ARK2C: variants seen among roughly 807,000 people sequenced by gnomAD.
ARK2C encodes arkadia (RNF111) C-terminal like ring finger ubiquitin ligase 2C.
the ARK2C span, among the ~76,000 whole-genome samples, chr18:46,372,964 T>C: frequency 1.3e-5 from 2 of 152,184 alleles, no homozygotes; most frequent in Admixed American, 6.5e-5. Flanking sequence ...TCAGCCTCAC[T>C]CAGGGAGGGG....
chr18:46,456,232 G>A, the ARK2C span: 1 of 651,106 alleles, frequency 1.5e-6, no homozygotes, highest in African/African-American at 1.8e-5. Context: ...CCCTGGGAAG[G>A]TGGGGTATGA....
At chr18:46,424,334 A>ACAG in the ARK2C span, among the ~76,000 whole-genome samples, 1 of 152,232 alleles carries the variant, frequency 6.6e-6, no homozygotes, top group Admixed American at 6.5e-5. Context: ...AAGGTCAGAT[A>ACAG]CAGCAGTGAG....
the ARK2C span, among the ~76,000 whole-genome samples, chr18:46,431,353 T>G: frequency 1.3e-4 from 20 of 152,214 alleles, no homozygotes; most frequent in Non-Finnish European, 2.2e-4. Flanking sequence ...AATGTCTGTG[T>G]GCCTTGAGGG....
the ARK2C span, among the ~76,000 whole-genome samples, chr18:46,363,769 T>C: frequency 6.6e-6 from 1 of 152,042 alleles, no homozygotes; most frequent in Non-Finnish European, 1.5e-5. Context: ...GAAACATACT[T>C]TTTAAGGTTG....
At chr18:46,428,141 T>C in the ARK2C span, among the ~76,000 whole-genome samples, 1 of 151,572 alleles carries the variant, frequency 6.6e-6, no homozygotes, top group Non-Finnish European at 1.5e-5. Flanking sequence ...CCGGGCGCAG[T>C]GGCTCACGTC....
the ARK2C span, among the ~76,000 whole-genome samples, chr18:46,453,090 T>C: frequency 1.3e-5 from 2 of 152,196 alleles, no homozygotes; most frequent in Non-Finnish European, 2.9e-5. Context: ...GTGGTGTCAA[T>C]GTCAAAGACT....
the ARK2C span, among the ~76,000 whole-genome samples, chr18:46,339,605 G>T: frequency 6.6e-6 from 1 of 152,164 alleles, no homozygotes; most frequent in Non-Finnish European, 1.5e-5. Context: ...CAGGATTTTG[G>T]AAACCCCATC....
the ARK2C span, among the ~76,000 whole-genome samples, chr18:46,442,875 T>G: frequency 6.6e-6 from 1 of 152,222 alleles, no homozygotes; most frequent in East Asian, 1.9e-4. Context: ...AATTGACCCC[T>G]TTATCATTAT....
At chr18:46,336,381 C>T in the ARK2C span, 1 of 972,116 alleles carries the variant, frequency 1.0e-6, no homozygotes, top group Non-Finnish European at 1.2e-6. Flanking sequence ...TCACCCCCCC[C>T]AACAAAAAAA....
At chr18:46,460,302 C>T in the ARK2C span, 1 of 152,360 alleles carries the variant, frequency 6.6e-6, no homozygotes, top group African/African-American at 2.4e-5. Context: ...TCTGTCAGGC[C>T]CCCTTGTGTT....
chr18:46,410,240 C>T, the ARK2C span, among the ~76,000 whole-genome samples: 1 of 152,224 alleles, frequency 6.6e-6, no homozygotes, highest in Non-Finnish European at 1.5e-5. Context: ...CTCAGCTCTG[C>T]TGCTTCCTCT....
the ARK2C span, among the ~76,000 whole-genome samples, chr18:46,441,625 AT>A: frequency 6.6e-6 from 1 of 152,150 alleles, no homozygotes; most frequent in African/African-American, 2.4e-5. Context: ...GCGGTGGCTC[AT>A]GCCTGTAATC....
the ARK2C span, chr18:46,334,248 G>C: frequency 6.9e-7 from 1 of 1,453,402 alleles, no homozygotes. This position sits in a 1 kb window ranked among gnomAD's most constrained non-coding sequence, Gnocchi z 4.4. Context: ...CGCAGCCGCC[G>C]CCGCCGCCGC....
At chr18:46,448,303 G>C in the ARK2C span, among the ~76,000 whole-genome samples, 1 of 152,034 alleles carries the variant, frequency 6.6e-6, no homozygotes, top group East Asian at 1.9e-4. Flanking sequence ...TTGTGTCCTG[G>C]CTCCCTGGCA....
At chr18:46,344,539 C>G in the ARK2C span, among the ~76,000 whole-genome samples, 117 of 152,328 alleles carry the variant, frequency 7.7e-4, 1 homozygote, top group Non-Finnish European at 1.1e-3. Context: ...ACTCCCACCC[C>G]CAGCGTGGAG....
chr18:46,433,870 A>G, the ARK2C span, among the ~76,000 whole-genome samples: 21 of 152,140 alleles, frequency 1.4e-4, no homozygotes, highest in Non-Finnish European at 2.4e-4. Flanking sequence ...GCGGGAGGAA[A>G]TTTGACTAGG....
the ARK2C span, among the ~76,000 whole-genome samples, chr18:46,372,384 C>T: frequency 2.0e-5 from 3 of 152,222 alleles, no homozygotes; most frequent in African/African-American, 4.8e-5. Context: ...GAGCAGTAAA[C>T]CCACCACTAC....
chr18:46,390,581 A>T, the ARK2C span, among the ~76,000 whole-genome samples: 1 of 152,204 alleles, frequency 6.6e-6, no homozygotes, highest in African/African-American at 2.4e-5. Flanking sequence ...GTGAAAAAAA[A>T]TACTAACCCT....
the ARK2C span, among the ~76,000 whole-genome samples, chr18:46,452,316 G>A: frequency 3.3e-5 from 5 of 152,180 alleles, no homozygotes; most frequent in African/African-American, 7.2e-5. Context: ...ATCTTGCTCT[G>A]TTGCCCAGGC....
Sources: gnomAD v4.1 joint callset for allele counts (sites outside exome capture counted in the v4.1 genomes callset) on GRCh38, gnomAD v4.1.1 for gene constraint, Gnocchi (gnomAD v3.1) non-coding constraint, MANE v1.5 for transcripts, NCBI Gene and HGNC (gene_info 2026-07-23, HGNC 2026-07-21) for gene names.